The following FAM149A variants were observed in gnomAD, a reference collection of about 807,000 sequenced individuals.
The protein encoded by FAM149A is family with sequence similarity 149 member A.
A neutral mutation model predicts 78.2 loss-of-function variants in FAM149A; 71 were observed. The ratio of observed to expected loss-of-function variants is 0.91; its 90% CI spans 0.75 to 1.11. FAM149A has a LOEUF of 1.11. FAM149A is among the 50% of genes least tolerant of loss of function. The pLI is 0.00. For missense variants in FAM149A, 1,036 were observed against 971.0 expected (o/e 1.07, Z -0.89); for synonymous variants, 446 against 410.5 (o/e 1.09, Z -1.04).
At chr4:186,167,296 T>A in intron 13 of FAM149A, 34 bp downstream of exon 13, 2 of 1,548,864 alleles carry the variant, frequency 1.3e-6, no homozygotes, top group Non-Finnish European at 1.8e-6. Context: ...TAAAGTGATG[T>A]AGTAAGTGAG....
chr4:186,137,129 T>G (rs1023746499), intron 1 of FAM149A, among the ~76,000 whole-genome samples: 4 of 152,164 alleles, frequency 2.6e-5, no homozygotes, highest in African/African-American at 9.7e-5. Context: ...GAAAGGAACT[T>G]TAACAGAAAT....
chr4:186,150,185 T>A (rs1239651012), intron 3 of FAM149A, among the ~76,000 whole-genome samples: 2 of 152,100 alleles, frequency 1.3e-5, no homozygotes, highest in Non-Finnish European at 2.9e-5. Context: ...GGATTCTGGC[T>A]GGGCGAGCTC....
Position 186,122,331 on chromosome 4 carries a change from G to A in FAM149A, c.566+16689G>A, listed in dbSNP as rs1442163277. Among the ~76,000 whole-genome samples, 21 of 152,198 alleles carry A rather than the reference G, an allele frequency of 1.4e-4. 1 individual carries two copies. Among genetic ancestry groups the A allele is most frequent in the Admixed American group, 1.4e-3 (21 of 15,274 alleles). On this transcript the variant is annotated intron_variant, in intron 1 of 13. Transcript: ENST00000389354. ...TTTAAAGTATGGAATTTGATTGGAT[G>A]CTAGTTTAAAAATATAGCTATAGAA...
intron 1 of FAM149A, among the ~76,000 whole-genome samples, chr4:186,148,653 G>T (rs1037468483): frequency 6.6e-6 from 1 of 152,166 alleles, no homozygotes; most frequent in African/African-American, 2.4e-5. Context: ...TGAAAACTCA[G>T]TATACCCACA....
At chr4:186,152,110 C>T (rs917855532) in intron 4 of FAM149A, 65 bp downstream of exon 4, 27 of 1,503,032 alleles carry the variant, frequency 1.8e-5, no homozygotes, top group Non-Finnish European at 2.4e-5. Context: ...TGACCTGCCT[C>T]GATACATTCA....
Position 186,144,016 on chromosome 4 carries a change from G to C in FAM149A, c.567-5157G>C, listed in dbSNP as rs1259477653. 6.6e-6 allele frequency: 1 copy of C among 152,208 alleles called. No individual in the cohort carries two copies. Among genetic ancestry groups the C allele is most frequent in the Non-Finnish European group, 1.5e-5 (1 of 68,054 alleles). 9.4% of individuals were successfully genotyped at this position (152,208 alleles called of 1,614,324 possible). A position where few individuals can be genotyped will look rare whatever the true frequency, so the allele number is the denominator to read the frequency against. ...TCAGCTCTCAAAAGAGACTGGCTAC[G>C]GCAGGACGGGGATGAGTGTTGTACC... On this transcript the variant is annotated intron_variant, in intron 1 of 13. Coordinates refer to ENST00000389354, the MANE Select transcript of FAM149A (RefSeq NM_001367768.3). This position sits in a 1 kb window ranked among gnomAD's most constrained non-coding sequence, Gnocchi z 4.2.
At chr4:186,119,491 T>C (rs1045890915) in intron 1 of FAM149A, among the ~76,000 whole-genome samples, 1 of 152,214 alleles carries the variant, frequency 6.6e-6, no homozygotes, top group African/African-American at 2.4e-5. Context: ...AAGCTAAGAC[T>C]TTCCCTTCTG....
At chr4:186,126,381 G>A (rs990687308) in intron 1 of FAM149A, among the ~76,000 whole-genome samples, 5 of 152,118 alleles carry the variant, frequency 3.3e-5, no homozygotes, top group Non-Finnish European at 5.9e-5. Flanking sequence ...CTGATAAAAC[G>A]TTGTTTTTGG....
chr4:186,130,291 C>CTATATATATATATA (rs1362112901), intron 1 of FAM149A: 13 of 39,392 alleles, frequency 3.3e-4, no homozygotes, highest in Middle Eastern at 0.014. Context: ...CTCTCTCTCT[C>CTATATATATATATA]TCTATATATA....
intron 1 of FAM149A, chr4:186,117,879 C>T: frequency 2.0e-6 from 2 of 978,054 alleles, no homozygotes; most frequent in Non-Finnish European, 2.4e-6. Flanking sequence ...TCTCCCAAGA[C>T]CGGCAACACA....
chr4:186,169,440 G>A (rs1440237945), intron 13 of FAM149A: 8 of 985,236 alleles, frequency 8.1e-6, no homozygotes, highest in Non-Finnish European at 9.6e-6. Flanking sequence ...CCTCACACAC[G>A]GATTTGAGCT....
At position 186,117,709 on chromosome 4, in the gene FAM149A, A is replaced by G. The variant is rs1247814175; in HGVS notation, c.566+12067A>G. The G allele has an allele frequency of 5.2e-6, 5 of 961,108 alleles. No individual in the cohort carries two copies. The African/African-American group carries it at 7.0e-5, about 14-fold the overall frequency. 59.5% of individuals were successfully genotyped at this position (961,108 alleles called of 1,614,324 possible). ...CTGGGCTCTCTTTAGTAAACACTGG[A>G]AAAGCCAGGATTTAGGTAGAGAAGT... On this transcript the variant is annotated intron_variant, in intron 1 of 13. Transcript: ENST00000389354.
At chr4:186,155,783 G>GA (rs200704580) in intron 6 of FAM149A, among the ~76,000 whole-genome samples, 107 of 149,518 alleles carry the variant, frequency 7.2e-4, no homozygotes, top group African/African-American at 2.3e-3. Context: ...GAAGAGACTA[G>GA]AAAAAAAAAG....
chr4:186,131,421 A>G (rs2099320682), intron 1 of FAM149A, among the ~76,000 whole-genome samples: 1 of 144,986 alleles, frequency 6.9e-6, no homozygotes, highest in African/African-American at 2.5e-5. Flanking sequence ...GCATTTGAGC[A>G]CACAGGGAGT....
At chr4:186,155,783 GA>G (rs200704580) in intron 6 of FAM149A, among the ~76,000 whole-genome samples, 7 of 149,520 alleles carry the variant, frequency 4.7e-5, no homozygotes, top group African/African-American at 7.3e-5. Flanking sequence ...GAAGAGACTA[GA>G]AAAAAAAAGA....
intron 8 of FAM149A, 38 bp from the exon 9 acceptor site, chr4:186,162,807 A>ATTT: frequency 1.0e-6 from 1 of 994,192 alleles, no homozygotes. Context: ...GGCATTTGTA[A>ATTT]TTCTTTTTTT....
chr4:186,161,743 T>TAGA (rs1293843800), intron 8 of FAM149A, among the ~76,000 whole-genome samples: 1 of 152,190 alleles, frequency 6.6e-6, no homozygotes, highest in East Asian at 1.9e-4. Context: ...AGAATAAAAA[T>TAGA]AGAGCCTGCT....
chr4:186,131,295 C>T (rs2099320626), intron 1 of FAM149A, among the ~76,000 whole-genome samples: 1 of 152,038 alleles, frequency 6.6e-6, no homozygotes, highest in African/African-American at 2.4e-5. Context: ...TTGCAGTGAG[C>T]TGAGATCATG....
At chr4:186,123,803 A>G (rs1262348057) in intron 1 of FAM149A, 1 of 981,746 alleles carries the variant, frequency 1.0e-6, no homozygotes, top group Non-Finnish European at 1.2e-6. Context: ...AGTAAAATGA[A>G]ATCCCAGACC....
Sources: allele counts gnomAD v4.1 joint callset (sites outside exome capture counted in the v4.1 genomes callset), GRCh38; gene constraint gnomAD v4.1.1; non-coding constraint Gnocchi (gnomAD v3.1); transcripts MANE v1.5; gene names NCBI Gene and HGNC (gene_info 2026-07-23, HGNC 2026-07-21).